Variants in CCSER1 observed in about 807,000 individuals in gnomAD.
CCSER1 encodes serine-rich coiled-coil domain-containing protein 1.
CCSER1 carries 41 observed loss-of-function variants against 82.0 expected under a neutral mutation model. The observed-to-expected ratio is 0.50, with a 90% confidence interval of 0.39 to 0.65. The LOEUF (loss-of-function observed/expected upper bound fraction) is 0.65. Among genes scored for constraint, CCSER1 ranks in the 30% least tolerant of loss-of-function variants. The pLI, the probability that CCSER1 is intolerant of heterozygous loss-of-function variation, is 0.00. For missense variants in CCSER1, 1,119 were observed against 1,064.2 expected (o/e 1.05, Z -0.72); for synonymous variants, 414 against 383.9 (o/e 1.08, Z -0.92).
At chr4:90,731,365 A>G (rs1441232931) in intron 7 of CCSER1, among the ~76,000 whole-genome samples, 1 of 152,204 alleles carries the variant, frequency 6.6e-6, no homozygotes, top group Non-Finnish European at 1.5e-5. Flanking sequence ...GAAATGGCAG[A>G]CGATGTTGGT....
chr4:91,164,805 A>G (rs181119769), intron 10 of CCSER1, among the ~76,000 whole-genome samples: 1 of 151,900 alleles, frequency 6.6e-6, no homozygotes, highest in Admixed American at 6.6e-5. Context: ...TCTTCTCCAC[A>G]CTGTTCATTC....
intron 6 of CCSER1, among the ~76,000 whole-genome samples, chr4:90,717,768 A>T (rs1313427573): frequency 6.8e-6 from 1 of 146,300 alleles, no homozygotes; most frequent in Non-Finnish European, 1.5e-5. Flanking sequence ...ACACATATAT[A>T]GTGTATATAT....
rs541293737 is a variant in CCSER1, at chr4:91,089,600, T to C, written c.2217+3606T>C. On this transcript the variant is annotated intron_variant, in intron 10 of 10. Transcript: ENST00000509176. Reference sequence around the variant, plus strand: ...TTGATAGTGATTCATATAATATACTTGTGCTGAAGCATTCTGGTGAACTAA... The same window carrying C: ...TTGATAGTGATTCATATAATATACTCGTGCTGAAGCATTCTGGTGAACTAA... 2.2e-4 allele frequency among the ~76,000 whole-genome samples: 34 copies of C among 152,356 alleles called. No individual in the cohort carries two copies. The South Asian group carries it at 6.4e-3, about 29-fold the overall frequency.
intron 7 of CCSER1, among the ~76,000 whole-genome samples, chr4:90,807,926 G>C (rs1757737890): frequency 6.6e-6 from 1 of 152,050 alleles, no homozygotes; most frequent in African/African-American, 2.4e-5. Flanking sequence ...CCAAAAAAGA[G>C]TGCTAATAGC....
chr4:90,260,486 C>G (rs983138199), intron 1 of CCSER1, among the ~76,000 whole-genome samples: 11 of 152,024 alleles, frequency 7.2e-5, no homozygotes. Flanking sequence ...TGTTGGACTG[C>G]TACTTTTATG....
At chr4:91,283,652 G>C (rs1260299426) in intron 10 of CCSER1, among the ~76,000 whole-genome samples, 1 of 151,580 alleles carries the variant, frequency 6.6e-6, no homozygotes, top group African/African-American at 2.4e-5. Flanking sequence ...ATATATATTT[G>C]TCTGCCAAAA....
chr4:90,206,057 T>A (rs1212004268), intron 1 of CCSER1, among the ~76,000 whole-genome samples: 1 of 151,180 alleles, frequency 6.6e-6, no homozygotes, highest in Non-Finnish European at 1.5e-5. Context: ...CCTTTATCAT[T>A]TTTTATTGTG....
intron 5 of CCSER1, among the ~76,000 whole-genome samples, chr4:90,545,696 T>G (rs574074421): frequency 3.9e-5 from 6 of 152,276 alleles, no homozygotes; most frequent in African/African-American, 1.4e-4. Flanking sequence ...ATGCTTCTTT[T>G]TATCCATTTG....
chr4:91,160,932 TTC>T (rs1303535304), intron 10 of CCSER1, among the ~76,000 whole-genome samples: 1 of 152,212 alleles, frequency 6.6e-6, no homozygotes, highest in African/African-American at 2.4e-5. Flanking sequence ...CTATTTTGGT[TTC>T]TGTTGCCATT....
At chr4:90,718,014 G>A (rs1741961019) in intron 6 of CCSER1, among the ~76,000 whole-genome samples, 2 of 151,480 alleles carry the variant, frequency 1.3e-5, no homozygotes, top group South Asian at 2.1e-4. Flanking sequence ...AAGTTGACAC[G>A]TCTAAAAAAA....
At chr4:90,240,499 C>G (rs1746634833) in intron 1 of CCSER1, among the ~76,000 whole-genome samples, 2 of 152,178 alleles carry the variant, frequency 1.3e-5, no homozygotes, top group African/African-American at 2.4e-5. Flanking sequence ...CACCAGAAGT[C>G]ATGGAAGAGC....
At chr4:90,628,479 C>T (rs1414437349) in intron 6 of CCSER1, among the ~76,000 whole-genome samples, 1 of 152,164 alleles carries the variant, frequency 6.6e-6, no homozygotes, top group Non-Finnish European at 1.5e-5. Context: ...TGATCCCAAG[C>T]ATCCCCCTAT....
intron 10 of CCSER1, among the ~76,000 whole-genome samples, chr4:91,223,721 T>G (rs1317832699): frequency 6.6e-6 from 1 of 152,106 alleles, no homozygotes; most frequent in Non-Finnish European, 1.5e-5. Context: ...ATGGATTTAT[T>G]GAGGATGTCC....
At chr4:91,393,024 C>T (rs1751757671) in intron 10 of CCSER1, among the ~76,000 whole-genome samples, 1 of 152,004 alleles carries the variant, frequency 6.6e-6, no homozygotes, top group East Asian at 1.9e-4. Flanking sequence ...AGTTTGGAAT[C>T]ACACCTTGCA....
intron 10 of CCSER1, among the ~76,000 whole-genome samples, chr4:91,186,465 C>T (rs1734544357): frequency 6.6e-6 from 1 of 152,134 alleles, no homozygotes; most frequent in African/African-American, 2.4e-5. Flanking sequence ...CCAACCATCG[C>T]TCCGGCAATC....
At chr4:90,966,116 T>G (rs2150387084) in intron 9 of CCSER1, among the ~76,000 whole-genome samples, 1 of 152,098 alleles carries the variant, frequency 6.6e-6, no homozygotes, top group East Asian at 1.9e-4. Context: ...CTCAGAAACC[T>G]GTAAAAACGC....
intron 10 of CCSER1, among the ~76,000 whole-genome samples, chr4:91,166,994 G>A (rs951122339): frequency 6.6e-6 from 1 of 152,090 alleles, no homozygotes; most frequent in Middle Eastern, 3.4e-3. Flanking sequence ...ATAAAATAGT[G>A]TTAAGAATAC....
intron 9 of CCSER1, among the ~76,000 whole-genome samples, chr4:90,944,664 CCATAAATTCTAAGTTCAT>C (rs1732020599): frequency 1.3e-5 from 2 of 152,136 alleles, no homozygotes; most frequent in South Asian, 4.1e-4. Flanking sequence ...GCTCATAAAT[CCATAAATTCTAAGTTCAT>C]TTAGTCAAAT....
chr4:90,634,562 T>C (rs56394533), intron 6 of CCSER1, among the ~76,000 whole-genome samples: 1 of 151,706 alleles, frequency 6.6e-6, no homozygotes, highest in African/African-American at 2.4e-5. Flanking sequence ...ATTTCAGTAA[T>C]TGATTCAAAG....
Sources: gnomAD v4.1 joint callset for allele counts (sites outside exome capture counted in the v4.1 genomes callset) on GRCh38, gnomAD v4.1.1 for gene constraint, MANE v1.5 for transcripts, NCBI Gene and HGNC (gene_info 2026-07-23, HGNC 2026-07-21) for gene names.